The following MAPKAP1 variants were observed in gnomAD, a reference collection of about 807,000 sequenced individuals.
MAPKAP1 encodes target of rapamycin complex 2 subunit MAPKAP1.
Under a neutral mutation model 65.7 loss-of-function variants are expected in MAPKAP1, and 20 were observed. The ratio of observed to expected loss-of-function variants is 0.30; its 90% confidence interval spans 0.21 to 0.44. The LOEUF is 0.44. Ranked by LOEUF, MAPKAP1 falls within the 20% of genes least tolerant of loss-of-function variation. The pLI is 1.00. For synonymous variants in MAPKAP1, 222 were observed against 244.3 expected (o/e 0.91, Z 0.85); for missense variants, 423 against 648.0 (o/e 0.65, Z 3.77).
intron 4 of MAPKAP1, among the ~76,000 whole-genome samples, chr9:125,646,390 A>G (rs1241538386): frequency 6.6e-6 from 1 of 152,220 alleles, no homozygotes; most frequent in East Asian, 1.9e-4. Context: ...ATTTAGCTTC[A>G]AAGCCTAGCC....
intron 4 of MAPKAP1, among the ~76,000 whole-genome samples, chr9:125,621,452 C>A (rs1286581409): frequency 1.3e-5 from 2 of 151,990 alleles, no homozygotes; most frequent in Non-Finnish European, 2.9e-5. Flanking sequence ...TATCTGTAAA[C>A]CAGCAATACT....
intron 4 of MAPKAP1, among the ~76,000 whole-genome samples, chr9:125,618,737 A>G (rs1832814921): frequency 6.6e-6 from 1 of 152,256 alleles, no homozygotes; most frequent in South Asian, 2.1e-4. Context: ...ACAAACAAAC[A>G]GCTATTTAAT....
chr9:125,619,135 A>T (rs777522379), intron 4 of MAPKAP1, among the ~76,000 whole-genome samples: 7 of 152,166 alleles, frequency 4.6e-5, no homozygotes, highest in Admixed American at 3.3e-4. Context: ...CCTATCTCAA[A>T]AACACAAAAA....
At chr9:125,446,381 G>A (rs1032243516) in intron 10 of MAPKAP1, among the ~76,000 whole-genome samples, 2 of 152,150 alleles carry the variant, frequency 1.3e-5, no homozygotes, top group Non-Finnish European at 2.9e-5. Flanking sequence ...TAAAATGTGA[G>A]AATTCCTGAC....
chr9:125,667,069 G>A (rs1834360131), intron 3 of MAPKAP1, among the ~76,000 whole-genome samples: 1 of 152,116 alleles, frequency 6.6e-6, no homozygotes, highest in African/African-American at 2.4e-5. Context: ...GGAAACTGAA[G>A]GAGAGAAGTA....
chr9:125,587,426 C>T (rs1325611023), intron 4 of MAPKAP1, among the ~76,000 whole-genome samples: 3 of 152,038 alleles, frequency 2.0e-5, no homozygotes, highest in East Asian at 1.9e-4. Flanking sequence ...ATCAGCTGGG[C>T]GTGATGGCAG....
intron 9 of MAPKAP1, among the ~76,000 whole-genome samples, chr9:125,477,555 G>A (rs1197446426): frequency 6.6e-6 from 1 of 152,188 alleles, no homozygotes; most frequent in African/African-American, 2.4e-5. Flanking sequence ...CCACTGCCCC[G>A]AGGTGCTCTG....
At chr9:125,505,886 A>G (rs1286240685) in intron 8 of MAPKAP1, 2 of 196,206 alleles carry the variant, frequency 1.0e-5, no homozygotes, top group African/African-American at 2.3e-5. Context: ...AGTTCTCAAC[A>G]TAGCATAAGG....
At chr9:125,706,145 G>A (rs1835751283) in intron 1 of MAPKAP1, among the ~76,000 whole-genome samples, 1 of 152,094 alleles carries the variant, frequency 6.6e-6, no homozygotes, top group Admixed American at 6.6e-5. Flanking sequence ...CCTTGTGTGG[G>A]CTCATAAAAT....
chr9:125,506,438 G>C, intron 7 of MAPKAP1, 21 bp from the exon 8 acceptor site: 1 of 1,592,416 alleles, frequency 6.3e-7, no homozygotes, highest in Non-Finnish European at 8.6e-7. Flanking sequence ...AAAGGGGCAG[G>C]AGGAGGGGAG....
intron 1 of MAPKAP1, among the ~76,000 whole-genome samples, chr9:125,693,762 CGT>C (rs1491387936): frequency 1.0e-3 from 148 of 147,180 alleles, no homozygotes; most frequent in Non-Finnish European, 1.4e-3. Context: ...CATATATACA[CGT>C]ATATACACAT....
intron 1 of MAPKAP1, among the ~76,000 whole-genome samples, chr9:125,704,876 T>C (rs1192068319): frequency 6.6e-6 from 1 of 152,180 alleles, no homozygotes; most frequent in Non-Finnish European, 1.5e-5. Context: ...CAATAAATAT[T>C]CACAACACTC....
At chr9:125,687,027 T>C (rs905208569) in intron 1 of MAPKAP1, among the ~76,000 whole-genome samples, 2 of 152,108 alleles carry the variant, frequency 1.3e-5, no homozygotes, top group African/African-American at 2.4e-5. Context: ...GGTTTCACCA[T>C]GTTGGCAAGG....
At chr9:125,539,271 T>C (rs1830170307) in intron 7 of MAPKAP1, among the ~76,000 whole-genome samples, 1 of 152,214 alleles carries the variant, frequency 6.6e-6, no homozygotes, top group Non-Finnish European at 1.5e-5. Context: ...AAAATTTGTC[T>C]TTCATATCAA....
intron 7 of MAPKAP1, among the ~76,000 whole-genome samples, chr9:125,523,026 G>A (rs1021370116): frequency 8.5e-5 from 13 of 152,126 alleles, no homozygotes; most frequent in Non-Finnish European, 4.4e-5. Context: ...GTCCCAGACT[G>A]GCCTCCTTCC....
chr9:125,480,974 GGAAAAA>G (rs1854293135), intron 9 of MAPKAP1, among the ~76,000 whole-genome samples: 1 of 97,630 alleles, frequency 1.0e-5, no homozygotes, highest in Non-Finnish European at 2.0e-5. Flanking sequence ...TCCGTTTCGG[GGAAAAA>G]AAAAAAAAAA....
At chr9:125,551,023 A>G (rs939931697) in intron 6 of MAPKAP1, among the ~76,000 whole-genome samples, 6 of 152,208 alleles carry the variant, frequency 3.9e-5, no homozygotes, top group Admixed American at 1.3e-4. Context: ...CAGCTTACAT[A>G]TTATAAAAGT....
At chr9:125,602,003 C>T in intron 4 of MAPKAP1, among the ~76,000 whole-genome samples, 1 of 152,188 alleles carries the variant, frequency 6.6e-6, no homozygotes, top group Admixed American at 6.5e-5. Context: ...CCTGTAATCC[C>T]AGCACTCTGG....
intron 4 of MAPKAP1, among the ~76,000 whole-genome samples, chr9:125,620,160 T>G (rs1361448252): frequency 6.6e-6 from 1 of 152,072 alleles, no homozygotes; most frequent in Non-Finnish European, 1.5e-5. Context: ...AATGCAAAAA[T>G]TATCTGGGTG....
Sources: allele counts gnomAD v4.1 joint callset (sites outside exome capture counted in the v4.1 genomes callset), GRCh38; gene constraint gnomAD v4.1.1; transcripts MANE v1.5; gene names NCBI Gene and HGNC (gene_info 2026-07-23, HGNC 2026-07-21).